Variants in NOL9 observed in about 807,000 individuals in gnomAD.
NOL9 encodes the protein polynucleotide 5'-hydroxyl-kinase NOL9.
NOL9 carries 28 observed loss-of-function variants against 67.9 expected under a neutral mutation model. The ratio of observed to expected loss-of-function variants is 0.41; its 90% CI spans 0.31 to 0.57. The LOEUF is 0.57. Among genes scored for constraint, NOL9 ranks in the 20% least tolerant of loss-of-function variants. The pLI is 0.25. For synonymous variants in NOL9, 356 were observed against 352.2 expected (o/e 1.01, Z -0.12); for missense variants, 777 against 897.0 (o/e 0.87, Z 1.71).
intron 1 of NOL9, among the ~76,000 whole-genome samples, chr1:6,552,899 G>C (rs541411864): frequency 8.5e-4 from 126 of 148,512 alleles, no homozygotes; most frequent in African/African-American, 3.1e-3. Flanking sequence ...GCAACCTCCA[G>C]CTCCCGGGTT....
chr1:6,528,537 C>T (rs867495010), intron 10 of NOL9, among the ~76,000 whole-genome samples: 13 of 152,138 alleles, frequency 8.5e-5, no homozygotes, highest in Admixed American at 6.6e-4. Flanking sequence ...GGACCAAGTA[C>T]GAGCCTGGGG....
intron 10 of NOL9, among the ~76,000 whole-genome samples, 166 bp downstream of exon 10, chr1:6,528,828 T>C (rs1461171298): frequency 6.6e-6 from 1 of 152,238 alleles, no homozygotes; most frequent in Non-Finnish European, 1.5e-5. Context: ...GAGAAATAGC[T>C]GCTTCCTTCC....
Position 6,525,969 on chromosome 1 carries a change from G to A in NOL9, c.1994C>T (p.Thr665Met), listed in dbSNP as rs1342256283. 1.9e-6 allele frequency: 3 copies of A among 1,613,660 alleles called. No homozygotes were observed. The highest frequency in any genetic ancestry group is 1.1e-5 in the South Asian group (1 of 91,080). The change falls in exon 12 of 12, where the codon ACG becomes ATG. Residue 665 changes from threonine (T) to methionine (M), a missense_variant. By Grantham distance (81) the Thr-to-Met change is moderately conservative (BLOSUM62 -1). Coordinates refer to ENST00000377705, the MANE Select transcript of NOL9 (RefSeq NM_024654.5). The stretch of plus-strand genomic sequence containing the variant: ...TCCAGGAAGTTTAAAATTGTAATCC[G>A]TTGTGACATAAGGTACTGTCCCTTC... ...GIEGTVPYVT[T>M]DYNFKLPGAS...
intron 1 of NOL9, among the ~76,000 whole-genome samples, chr1:6,553,069 C>T (rs1639577033): frequency 6.6e-6 from 1 of 152,226 alleles, no homozygotes; most frequent in South Asian, 2.1e-4. Context: ...GCTTCGGCTT[C>T]CCAAAGTGCC....
chr1:6,526,062 A>G, intron 11 of NOL9, 59 bp from the exon 12 acceptor site: 1 of 1,485,882 alleles, frequency 6.7e-7, no homozygotes, highest in Middle Eastern at 1.7e-4. Flanking sequence ...AGAGGGGTTT[A>G]CAGTGCTCTC....
At chr1:6,533,923 T>G (rs971160681) in intron 6 of NOL9, among the ~76,000 whole-genome samples, 16 of 152,132 alleles carry the variant, frequency 1.1e-4, no homozygotes, top group African/African-American at 3.4e-4. Context: ...GTTTCACTCT[T>G]GTTGCCCAGG....
chr1:6,535,160 T>C (rs1165603421), intron 6 of NOL9, among the ~76,000 whole-genome samples: 2 of 152,184 alleles, frequency 1.3e-5, no homozygotes, highest in African/African-American at 4.8e-5. Flanking sequence ...TCTATATGCA[T>C]ACATACACAT....
At chr1:6,535,175 A>G (rs990944433) in intron 6 of NOL9, among the ~76,000 whole-genome samples, 1 of 152,164 alleles carries the variant, frequency 6.6e-6, no homozygotes, top group Non-Finnish European at 1.5e-5. Flanking sequence ...ACACATATAC[A>G]TATGTATGTT....
At chr1:6,534,230 C>A (rs1639098835) in intron 6 of NOL9, among the ~76,000 whole-genome samples, 1 of 152,128 alleles carries the variant, frequency 6.6e-6, no homozygotes, top group Non-Finnish European at 1.5e-5. Flanking sequence ...TAGTAGTATC[C>A]TCATTTTTAC....
At chr1:6,541,555 C>T (rs1165858527) in intron 6 of NOL9, among the ~76,000 whole-genome samples, 1 of 152,158 alleles carries the variant, frequency 6.6e-6, no homozygotes, top group Non-Finnish European at 1.5e-5. Context: ...ATTAGGGAAA[C>T]ATGTGTTTCT....
At chr1:6,552,767 G>A (rs939396030) in intron 1 of NOL9, among the ~76,000 whole-genome samples, 2 of 152,200 alleles carry the variant, frequency 1.3e-5, no homozygotes, top group African/African-American at 4.8e-5. Flanking sequence ...ACTGTGCCCA[G>A]CTCTCTCTTT....
rs756814645 is a variant in NOL9, at chr1:6,541,835, A to C, written c.1070T>G (p.Val357Gly). 1 of 1,582,024 alleles carries C rather than the reference A, an allele frequency of 6.3e-7. No homozygotes were observed. The highest frequency in any genetic ancestry group is 8.6e-7 in the Non-Finnish European group (1 of 1,158,204). The change falls in exon 6 of 12, where the codon GTT (valine) becomes GGT (glycine). Residue 357 changes from valine (V) to glycine (G), a missense_variant. By Grantham distance (109) the Val-to-Gly change is moderately radical. Around this residue, in one of 2 missense-constraint regions of NOL9, gnomAD observed 413 missense variants for 552.6 expected, o/e 0.75. Transcript: ENST00000377705. ...CISLLNITEP[V>G]LGPPFTHLRT... ...GAGAAATATGTAATACATACCCAGAACTGGTTCTGTAATATTAAGCAAAGA... is the reference window on the plus strand; with the variant it reads ...GAGAAATATGTAATACATACCCAGACCTGGTTCTGTAATATTAAGCAAAGA...
intron 9 of NOL9, among the ~76,000 whole-genome samples, chr1:6,530,347 GGGA>G (rs1487752216): frequency 2.0e-5 from 3 of 152,070 alleles, no homozygotes; most frequent in Admixed American, 6.5e-5. Context: ...CCAGCTACTC[GGGA>G]GGCTGACGCA....
chr1:6,521,677 G>C lies in NOL9; in HGVS notation c.*4177C>G, dbSNP rs767279041. 6.6e-6 allele frequency: 1 copy of C among 152,220 alleles called. No homozygotes were observed. Among genetic ancestry groups the C allele is most frequent in the Non-Finnish European group, 1.5e-5 (1 of 68,042 alleles). 9.4% of individuals were successfully genotyped at this position (152,220 alleles called of 1,614,324 possible). A position where few individuals can be genotyped will look rare whatever the true frequency, so the allele number is the denominator to read the frequency against. On this transcript the variant is annotated 3_prime_UTR_variant, in exon 12 of 12. Transcript: ENST00000377705. ...CAACAATTTTAAGGTGAACCTGCCA[G>C]AGGCAAGATGAGTAAGTAGCTGTGG...
At chr1:6,526,131 G>C (rs1477433163) in intron 11 of NOL9, 128 bp from the exon 12 acceptor site, 1 of 789,416 alleles carries the variant, frequency 1.3e-6, no homozygotes, top group Admixed American at 2.4e-5. Flanking sequence ...CACTTTTAAG[G>C]CATTTGATCC....
rs375841931 is a variant in NOL9 at position 6,549,561 on chromosome 1, C to T, written c.744+10G>A. On this transcript the variant is annotated intron_variant, in intron 3 of 11. Coordinates refer to ENST00000377705, the MANE Select transcript of NOL9 (RefSeq NM_024654.5). ...TAATTAGCAAAACTCTGAATGAAAA[C>T]GGGTTCTACCTCTTGCACAAAAATG... 50 of 1,611,518 alleles carry T rather than the reference C, an allele frequency of 3.1e-5. No homozygotes were observed. Among genetic ancestry groups the T allele is most frequent in the East Asian group, 2.2e-5 (1 of 44,874 alleles).
Position 6,542,075 on chromosome 1 carries a change from T to A in NOL9, c.978-148A>T, listed in dbSNP as rs141771758. ...TAGAAGTGAAGCCTCAAGATGACAA[T>A]CGCTGTTTAAAAACGAGTCCAGAGA... On this transcript the variant is annotated intron_variant, in intron 5 of 11. Transcript: ENST00000377705. 3.7e-3 allele frequency: 1,753 copies of A among 467,714 alleles called. 11 individuals carry two copies. Among genetic ancestry groups the A allele is most frequent in the Admixed American group, 0.012 (306 of 25,270 alleles). The allele number at this position is 467,714 out of a possible 1,614,324, so 29.0% of individuals were successfully genotyped here.
chr1:6,549,827 C>T, intron 2 of NOL9, 129 bp from the exon 3 acceptor site: 1 of 1,090,938 alleles, frequency 9.2e-7, no homozygotes, highest in Non-Finnish European at 1.3e-6. Context: ...GAGCCTTTTT[C>T]AGGGGGCCGT....
Position 6,544,975 on chromosome 1 carries a change from G to T in NOL9, c.881-53C>A, listed in dbSNP as rs372516795. On this transcript the variant is annotated intron_variant, in intron 4 of 11. Coordinates refer to ENST00000377705, the MANE Select transcript of NOL9 (RefSeq NM_024654.5). ...AGAATTAGCCGTCTTCCTTGGACTC[G>T]AATTATGACTAATCTTCCTCTGGGG... 172 of 1,614,062 alleles carry T rather than the reference G, an allele frequency of 1.1e-4. 1 individual carries two copies. The East Asian group carries it at 1.8e-3, about 17-fold the overall frequency.
Sources: allele counts gnomAD v4.1 joint callset (sites outside exome capture counted in the v4.1 genomes callset), GRCh38; gene constraint gnomAD v4.1.1; regional missense constraint gnomAD v4.1.1; transcripts MANE v1.5; gene names NCBI Gene and HGNC (gene_info 2026-07-23, HGNC 2026-07-21).